Variants in STAG1 observed in about 807,000 individuals in gnomAD.
STAG1 encodes the protein STAG1 cohesin complex component.
STAG1 carries 26 observed loss-of-function variants against 170.9 expected under a neutral mutation model. The observed-to-expected ratio is 0.15, with a 90% CI of 0.11 to 0.21. The LOEUF is 0.21. Among genes scored for constraint, STAG1 ranks in the 10% least tolerant of loss-of-function variants. The pLI, the probability that STAG1 is intolerant of heterozygous loss-of-function variation, is 1.00. For missense variants in STAG1, 964 were observed against 1,509.5 expected (o/e 0.64, Z 5.99); for synonymous variants, 514 against 497.7 (o/e 1.03, Z -0.44).
At chr3:136,576,853 C>T (rs1398353817) in intron 4 of STAG1, among the ~76,000 whole-genome samples, 1 of 152,136 alleles carries the variant, frequency 6.6e-6, no homozygotes, top group South Asian at 2.1e-4. Flanking sequence ...GACAAGGGCA[C>T]AGAGAATTCG....
intron 23 of STAG1, among the ~76,000 whole-genome samples, chr3:136,370,967 A>G (rs1054611590): frequency 6.6e-6 from 1 of 152,234 alleles, no homozygotes; most frequent in Non-Finnish European, 1.5e-5. Flanking sequence ...ACTAGTTTAT[A>G]GTCCCACCAA....
intron 21 of STAG1, among the ~76,000 whole-genome samples, chr3:136,413,592 G>C (rs1177545783): frequency 6.6e-6 from 1 of 151,962 alleles, no homozygotes; most frequent in Non-Finnish European, 1.5e-5. Context: ...CCGAGTAGTT[G>C]AAATTACAGA....
At chr3:136,439,623 G>A (rs987036875) in intron 15 of STAG1, among the ~76,000 whole-genome samples, 6 of 151,992 alleles carry the variant, frequency 3.9e-5, no homozygotes, top group Non-Finnish European at 8.8e-5. Flanking sequence ...GTTACTGGTA[G>A]CATTTTGTTG....
intron 7 of STAG1, among the ~76,000 whole-genome samples, chr3:136,512,320 G>A (rs548544827): frequency 6.6e-5 from 10 of 151,678 alleles, no homozygotes; most frequent in Admixed American, 6.6e-4. Flanking sequence ...ATAAAAATAA[G>A]CTATTTTAGC....
chr3:136,448,924 C>CA (rs879583463), intron 14 of STAG1, among the ~76,000 whole-genome samples: 49 of 144,244 alleles, frequency 3.4e-4, no homozygotes, highest in Admixed American at 8.3e-4. Flanking sequence ...GACTCCATCC[C>CA]AAAAAAAAAA....
Position 136,679,556 on chromosome 3 carries a change from G to A in STAG1, c.-83-48575C>T, listed in dbSNP as rs192550757. Among the ~76,000 whole-genome samples, 1,105 of 151,940 alleles carry A rather than the reference G, an allele frequency of 7.3e-3. 22 individuals are homozygous for A. The highest frequency in any genetic ancestry group is 0.024 in the African/African-American group (996 of 41,438). ...ATCCTGGATAACACAGTGAAACCCC[G>A]TCTGTACTAAAAAGACAAAAAAATT... On this transcript the variant is annotated intron_variant, in intron 1 of 33. Transcript: ENST00000383202.
At chr3:136,688,041 G>A (rs1273799867) in intron 1 of STAG1, among the ~76,000 whole-genome samples, 2 of 152,114 alleles carry the variant, frequency 1.3e-5, no homozygotes, top group African/African-American at 4.8e-5. Context: ...CCAGCCAGAA[G>A]AGACTAATTT....
intron 23 of STAG1, among the ~76,000 whole-genome samples, chr3:136,372,942 C>T (rs1246316090): frequency 6.6e-6 from 1 of 152,106 alleles, no homozygotes. Flanking sequence ...CCTCCTTGTA[C>T]CTCTGGTAGA....
At chr3:136,357,921 T>C in intron 27 of STAG1, 73 bp from the exon 28 acceptor site, 11 of 1,298,632 alleles carry the variant, frequency 8.5e-6, no homozygotes, top group Non-Finnish European at 1.2e-5. Flanking sequence ...ATTACACAAA[T>C]ATTTGTGAAG....
chr3:136,678,428 T>C (rs1000880604), intron 1 of STAG1, among the ~76,000 whole-genome samples: 3 of 151,508 alleles, frequency 2.0e-5, no homozygotes, highest in African/African-American at 4.8e-5. Context: ...GGGAAATAGA[T>C]GGCTTAATTT....
intron 4 of STAG1, among the ~76,000 whole-genome samples, chr3:136,603,879 T>A (rs766430358): frequency 6.6e-6 from 1 of 151,968 alleles, no homozygotes; most frequent in Non-Finnish European, 1.5e-5. Context: ...AGAGCCAGAC[T>A]CTGTCTCAAA....
At chr3:136,340,678 A>C in intron 31 of STAG1, 73 bp from the exon 32 acceptor site, 1 of 978,032 alleles carries the variant, frequency 1.0e-6, no homozygotes, top group South Asian at 1.3e-5. Flanking sequence ...TTCTCAGATT[A>C]AAGTTATTCT....
At chr3:136,710,478 A>C (rs1463195167) in intron 1 of STAG1, among the ~76,000 whole-genome samples, 1 of 152,078 alleles carries the variant, frequency 6.6e-6, no homozygotes, top group Non-Finnish European at 1.5e-5. Context: ...CTCACACACA[A>C]CACTATGCAG....
At chr3:136,563,536 ACTCT>A (rs150795750) in intron 5 of STAG1, among the ~76,000 whole-genome samples, 38 of 136,554 alleles carry the variant, frequency 2.8e-4, no homozygotes, top group African/African-American at 4.3e-4. Flanking sequence ...GCACGCACAA[ACTCT>A]CTCTCTCTCT....
chr3:136,474,851 G>C (rs1327262090), intron 10 of STAG1, among the ~76,000 whole-genome samples: 1 of 152,056 alleles, frequency 6.6e-6, no homozygotes, highest in African/African-American at 2.4e-5. Flanking sequence ...AATGGACCAC[G>C]GTTTACTAGA....
At chr3:136,384,500 G>A (rs1165455242) in intron 22 of STAG1, among the ~76,000 whole-genome samples, 1 of 151,456 alleles carries the variant, frequency 6.6e-6, no homozygotes, top group Non-Finnish European at 1.5e-5. Context: ...CAGTCGTGGT[G>A]GCTCACACCT....
intron 9 of STAG1, among the ~76,000 whole-genome samples, chr3:136,498,233 T>TATATACACACACACAC: frequency 1.7e-5 from 1 of 57,512 alleles, no homozygotes; most frequent in African/African-American, 1.0e-4. Flanking sequence ...TATATATATA[T>TATATACACACACACAC]ACACATACAT....
At chr3:136,741,368 A>AAT (rs1934662397) in intron 1 of STAG1, among the ~76,000 whole-genome samples, 1 of 152,248 alleles carries the variant, frequency 6.6e-6, no homozygotes. Context: ...TTGTCAGCCT[A>AAT]TAAATAGGGT....
In STAG1 at chr3:136,598,759, T is replaced by G. The variant is rs540190243; in HGVS notation, c.297+5550A>C. On this transcript the variant is annotated intron_variant, in intron 4 of 33. Transcript: ENST00000383202. Reference sequence around the variant, plus strand: ...ACTTTTAAAAAGCACCTTTTTATTCTCCTGGTAAATTTTATAATGCAATTT... The same window carrying G: ...ACTTTTAAAAAGCACCTTTTTATTCGCCTGGTAAATTTTATAATGCAATTT... Among the ~76,000 whole-genome samples the G allele has an allele frequency of 4.6e-5, 7 of 152,280 alleles. No individual in the cohort carries two copies. In the East Asian group the frequency reaches 1.3e-3, roughly 29 times the overall value.
Sources: gnomAD v4.1 joint callset for allele counts (sites outside exome capture counted in the v4.1 genomes callset) on GRCh38, gnomAD v4.1.1 for gene constraint, MANE v1.5 for transcripts, NCBI Gene and HGNC (gene_info 2026-07-23, HGNC 2026-07-21) for gene names.